ARB2A: variants seen among roughly 807,000 people sequenced by gnomAD.
ARB2A encodes cotranscriptional regulator ARB2A.
At chr5:93,768,941 G>A in the ARB2A span, among the ~76,000 whole-genome samples, 1 of 151,410 alleles carries the variant, frequency 6.6e-6, no homozygotes. Flanking sequence ...GTGAGACCAT[G>A]TCTCTGCTAA....
the ARB2A span, among the ~76,000 whole-genome samples, chr5:93,887,337 TAGAAG>T: frequency 8.0e-5 from 12 of 149,896 alleles, no homozygotes; most frequent in African/African-American, 2.4e-4. Context: ...AAATAGAGAA[TAGAAG>T]AGAAAAGAAA....
chr5:93,844,841 C>A, the ARB2A span, among the ~76,000 whole-genome samples: 1 of 152,156 alleles, frequency 6.6e-6, no homozygotes, highest in Non-Finnish European at 1.5e-5. Context: ...ATGAGCCGGA[C>A]CTGGATTTAT....
the ARB2A span, among the ~76,000 whole-genome samples, chr5:93,890,694 C>A: frequency 6.6e-6 from 1 of 151,908 alleles, no homozygotes; most frequent in African/African-American, 2.4e-5. Flanking sequence ...TAGTTCTAAG[C>A]CAACCTTAGA....
At chr5:93,976,406 A>G in the ARB2A span, among the ~76,000 whole-genome samples, 1 of 152,200 alleles carries the variant, frequency 6.6e-6, no homozygotes, top group Non-Finnish European at 1.5e-5. Flanking sequence ...TAGCCAGAGC[A>G]ATCAGGCAAG....
the ARB2A span, among the ~76,000 whole-genome samples, chr5:93,756,343 C>T: frequency 2.6e-5 from 4 of 152,154 alleles, no homozygotes; most frequent in Non-Finnish European, 5.9e-5. Context: ...TAGGGCCCTG[C>T]CCACCGCTGG....
chr5:93,729,742 A>G, the ARB2A span, among the ~76,000 whole-genome samples: 5 of 152,172 alleles, frequency 3.3e-5, no homozygotes, highest in African/African-American at 1.2e-4. Flanking sequence ...ATGAATATGC[A>G]TATCTGTAAT....
chr5:94,029,652 G>T, the ARB2A span, among the ~76,000 whole-genome samples: 1 of 151,862 alleles, frequency 6.6e-6, no homozygotes, highest in African/African-American at 2.4e-5. Flanking sequence ...GTTCACTTAG[G>T]TAAAGTTGTA....
At chr5:94,102,002 C>T in the ARB2A span, among the ~76,000 whole-genome samples, 1 of 150,948 alleles carries the variant, frequency 6.6e-6, no homozygotes, top group Admixed American at 6.6e-5. Flanking sequence ...CCCTCCCCGT[C>T]ATAGTGTAAA....
the ARB2A span, among the ~76,000 whole-genome samples, chr5:93,982,544 G>C: frequency 1.3e-4 from 20 of 152,284 alleles, no homozygotes; most frequent in Admixed American, 2.6e-4. Flanking sequence ...GCAATACTTA[G>C]TGAAGGGGAT....
chr5:94,094,473 A>G, the ARB2A span, among the ~76,000 whole-genome samples: 1 of 152,214 alleles, frequency 6.6e-6, no homozygotes, highest in Non-Finnish European at 1.5e-5. Flanking sequence ...GGGTTTCAAC[A>G]TACAAATTGG....
At chr5:93,848,426 G>T in the ARB2A span, among the ~76,000 whole-genome samples, 2 of 150,416 alleles carry the variant, frequency 1.3e-5, no homozygotes, top group Non-Finnish European at 3.0e-5. Flanking sequence ...TGACTGATAC[G>T]TCCAATAAAT....
chr5:93,873,740 C>T, the ARB2A span, among the ~76,000 whole-genome samples: 2 of 152,192 alleles, frequency 1.3e-5, no homozygotes, highest in Admixed American at 6.5e-5. Context: ...GTGGGAGCCA[C>T]TCCTCTCCTG....
the ARB2A span, among the ~76,000 whole-genome samples, chr5:93,832,281 A>G: frequency 6.6e-6 from 1 of 152,026 alleles, no homozygotes; most frequent in African/African-American, 2.4e-5. Flanking sequence ...CTTATACCCC[A>G]CAGAAGCCAA....
At chr5:93,922,008 T>C in the ARB2A span, among the ~76,000 whole-genome samples, 2 of 152,182 alleles carry the variant, frequency 1.3e-5, no homozygotes, top group African/African-American at 2.4e-5. Context: ...AGTCTCTAGA[T>C]AGGGGTTCAT....
chr5:94,012,630 A>G, the ARB2A span, among the ~76,000 whole-genome samples: 2 of 152,160 alleles, frequency 1.3e-5, no homozygotes, highest in African/African-American at 4.8e-5. Flanking sequence ...TACATCAGGG[A>G]GCGACTCAAG....
chr5:93,703,139 A>G, the ARB2A span, among the ~76,000 whole-genome samples: 27 of 152,318 alleles, frequency 1.8e-4, no homozygotes, highest in Non-Finnish European at 4.4e-5. Context: ...GTTTTCCCCA[A>G]ATTACCCTAA....
At chr5:93,900,652 A>G in the ARB2A span, among the ~76,000 whole-genome samples, 6 of 151,732 alleles carry the variant, frequency 4.0e-5, no homozygotes, top group Non-Finnish European at 5.9e-5. Flanking sequence ...TGATTCTACT[A>G]TAAGATAAAT....
the ARB2A span, chr5:93,737,665 G>C: frequency 9.1e-6 from 2 of 219,692 alleles, no homozygotes; most frequent in African/African-American, 4.7e-5. Flanking sequence ...AGAGAGTTGA[G>C]AGCCCAGAAA....
chr5:93,858,141 C>T, the ARB2A span, among the ~76,000 whole-genome samples: 7 of 152,114 alleles, frequency 4.6e-5, no homozygotes, highest in Admixed American at 3.3e-4. Context: ...ACAAGATGTG[C>T]GTAATTGCTC....
Sources: gnomAD v4.1 joint callset for allele counts (sites outside exome capture counted in the v4.1 genomes callset) on GRCh38, gnomAD v4.1.1 for gene constraint, MANE v1.5 for transcripts, NCBI Gene and HGNC (gene_info 2026-07-23, HGNC 2026-07-21) for gene names.